Variants in PKD1L3 observed in about 807,000 individuals in gnomAD.
PKD1L3 encodes polycystin-1-like protein 3.
A neutral mutation model predicts 184.1 loss-of-function variants in PKD1L3; 239 were observed. The ratio of observed to expected loss-of-function variants is 1.30; its 90% CI spans 1.17 to 1.45. The LOEUF is 1.45. Ranked by LOEUF, PKD1L3 falls within the 40% of genes most tolerant of loss-of-function variation. The probability of loss-of-function intolerance (pLI) is 0.00; values close to 1 mark genes in which losing one functional copy is unlikely to be tolerated. For missense variants in PKD1L3, 2,660 were observed against 2,067.2 expected, an observed-to-expected ratio of 1.29 and a Z score of -5.56; for synonymous variants, 996 against 778.8, an observed-to-expected ratio of 1.28 and a Z score of -4.64.
At chr16:71,946,343 T>C (rs1469710601) in intron 22 of PKD1L3, among the ~76,000 whole-genome samples, 1 of 152,218 alleles carries the variant, frequency 6.6e-6, no homozygotes, top group Non-Finnish European at 1.5e-5. Flanking sequence ...AGGTAGTCCT[T>C]TCCTGAATTC....
chr16:71,934,563 T>A (rs2143132894), intron 26 of PKD1L3, among the ~76,000 whole-genome samples: 1 of 152,250 alleles, frequency 6.6e-6, no homozygotes, highest in African/African-American at 2.4e-5. Flanking sequence ...ATTGCTGTAA[T>A]AGGTGCAATC....
chr16:71,978,216 C>A, intron 10 of PKD1L3, 39 bp downstream of exon 10: 1 of 1,529,844 alleles, frequency 6.5e-7, no homozygotes, highest in South Asian at 1.2e-5. Flanking sequence ...CAGAATATCC[C>A]ATTCTCTTCT....
chr16:71,997,752 A>AAAATAAATAAAT (rs58522217), intron 2 of PKD1L3, among the ~76,000 whole-genome samples: 2,458 of 145,696 alleles, frequency 0.017, 27 homozygotes, highest in East Asian at 0.043. Context: ...CAGTCTTGGA[A>AAAATAAATAAAT]AAATAAATAA....
At chr16:71,953,795 G>A (rs145998525) in intron 17 of PKD1L3, among the ~76,000 whole-genome samples, 7 of 152,234 alleles carry the variant, frequency 4.6e-5, no homozygotes, top group East Asian at 1.9e-4. Flanking sequence ...TCCTCCCCCC[G>A]CCCCAACACA....
At chr16:71,954,658 A>T (rs1386889269) in intron 16 of PKD1L3, among the ~76,000 whole-genome samples, 1 of 152,216 alleles carries the variant, frequency 6.6e-6, no homozygotes, top group Non-Finnish European at 1.5e-5. Flanking sequence ...AGTTTGGTAA[A>T]TTCATACTCT....
chr16:71,983,663 CTTTTT>C (rs1180950058), intron 6 of PKD1L3, among the ~76,000 whole-genome samples: 1 of 100,306 alleles, frequency 1.0e-5, no homozygotes, highest in African/African-American at 3.9e-5. Context: ...GATTCTCTTT[CTTTTT>C]TTTTTTTTTT....
At chr16:71,965,189 T>A (rs576011952) in intron 15 of PKD1L3, among the ~76,000 whole-genome samples, 2 of 152,232 alleles carry the variant, frequency 1.3e-5, no homozygotes, top group Non-Finnish European at 2.9e-5. Flanking sequence ...AAGCATAATT[T>A]AAAAAAATTC....
chr16:71,949,161 G>T (rs905954727), intron 21 of PKD1L3, among the ~76,000 whole-genome samples: 2 of 151,978 alleles, frequency 1.3e-5, no homozygotes, highest in South Asian at 2.1e-4. Flanking sequence ...ACTTTTGTGT[G>T]GGTTTGACAT....
Position 71,949,883 on chromosome 16 carries a change from G to T in PKD1L3, c.3518C>A (p.Ala1173Glu), listed in dbSNP as rs538271819. The T allele has an allele frequency of 6.4e-7, 1 of 1,551,626 alleles. No individual in the cohort carries two copies. The highest frequency in any genetic ancestry group is 8.7e-7 in the Non-Finnish European group (1 of 1,146,986). The part of the protein sequence containing the change: ...FTSLASAFFT[A>E]LYSLELSKDQ... ...TTTGCTCAATTCCAAGCTATAAAGT[G>T]CTGTAAAAAAGGCTGAAGCCAGGCT... The change falls in exon 21 of 30, where the codon GCA becomes GAA. Residue 1173 changes from alanine (A) to glutamate (E), a missense_variant. Transcript: ENST00000620267.
chr16:71,979,404 A>G (rs2040061047), intron 9 of PKD1L3, among the ~76,000 whole-genome samples: 1 of 152,226 alleles, frequency 6.6e-6, no homozygotes. Context: ...AGATCACGCC[A>G]CTGCACTCCA....
Position 71,947,511 on chromosome 16 carries a change from C to T in PKD1L3, c.3699G>A (p.Lys1233=), listed in dbSNP as rs944089410. Residue 1233 remains lysine (K), a synonymous_variant, in exon 22 of 30, where the codon AAG becomes AAA. Transcript: ENST00000620267. Reference sequence around the variant, plus strand: ...AGTTACCCAAGAGTGCCAAGATCCTCTTTGTTTGTTGTTCATTCTCTTTGT... The same window carrying T: ...AGTTACCCAAGAGTGCCAAGATCCTTTTTGTTTGTTGTTCATTCTCTTTGT... ...RLNKENEQQT[K]RILALLAKCS... The T allele has an allele frequency of 6.5e-7, 1 of 1,541,530 alleles. No homozygotes were observed. Among genetic ancestry groups the T allele is most frequent in the Non-Finnish European group, 8.8e-7 (1 of 1,138,478 alleles).
intron 7 of PKD1L3, among the ~76,000 whole-genome samples, 190 bp downstream of exon 7, chr16:71,981,869 C>G (rs761528632): frequency 1.8e-4 from 27 of 152,068 alleles, no homozygotes; most frequent in Admixed American, 5.2e-4. Flanking sequence ...GATTACAGCA[C>G]TAGGGAGTCT....
intron 25 of PKD1L3, among the ~76,000 whole-genome samples, chr16:71,935,756 G>T (rs1190784923): frequency 6.6e-6 from 1 of 152,134 alleles, no homozygotes; most frequent in Admixed American, 6.5e-5. Flanking sequence ...TCTTTTTCTT[G>T]GAGATCATAA....
intron 9 of PKD1L3, among the ~76,000 whole-genome samples, chr16:71,979,102 G>T (rs963256869): frequency 6.6e-6 from 1 of 152,172 alleles, no homozygotes; most frequent in African/African-American, 2.4e-5. Context: ...GATATGACTG[G>T]GTTGGTATAC....
Position 71,999,666 on chromosome 16 carries a change from T to C in PKD1L3, c.295+18A>G. 6.7e-7 allele frequency: 1 copy of C among 1,482,090 alleles called. No individual in the cohort carries two copies. The highest frequency in any genetic ancestry group is 2.5e-5 in the Admixed American group (1 of 40,324). 91.8% of individuals were successfully genotyped at this position (1,482,090 alleles called of 1,614,324 possible). ...ATAAGGAAGTTTCCTTCATAAACAC[T>C]GAACCCCAGGGTCTTACCTGGGTAT... On this transcript the variant is annotated intron_variant, in intron 1 of 29. Coordinates refer to ENST00000620267, the MANE Select transcript of PKD1L3 (RefSeq NM_181536.2).
At chr16:71,962,737 C>T (rs2039331091) in intron 16 of PKD1L3, among the ~76,000 whole-genome samples, 1 of 152,178 alleles carries the variant, frequency 6.6e-6, no homozygotes. Context: ...GCCTCAGCCT[C>T]CCAAAGTGCA....
chr16:71,935,712 T>G (rs1042885377), intron 25 of PKD1L3, among the ~76,000 whole-genome samples, 194 bp from the exon 26 acceptor site: 3 of 152,232 alleles, frequency 2.0e-5, no homozygotes, highest in African/African-American at 7.2e-5. Context: ...TACAAAAAAG[T>G]TATCTTCAAA....
rs1278151829 is a variant in PKD1L3, at chr16:71,954,162, C to G, written c.2752G>C (p.Val918Leu). The G allele has an allele frequency of 6.4e-7, 1 of 1,550,890 alleles. No homozygotes were observed. Among genetic ancestry groups the G allele is most frequent in the South Asian group, 1.2e-5 (1 of 83,816 alleles). Residue 918 changes from valine (V) to leucine (L), a missense_variant, in exon 17 of 30, where the codon GTC (valine) becomes CTC (leucine). By Grantham distance (32) the Val-to-Leu change is conservative. Coordinates refer to ENST00000620267, the MANE Select transcript of PKD1L3 (RefSeq NM_181536.2). ...CCMTLLLCNM[V>L]INVMFWKINS... ...ATCTTCCAGAACATAACATTGATGA[C>G]CATGTTGCAGAGTAGCAGTGTCATG...
Position 71,954,145 on chromosome 16 carries a change from GAACAT to G in PKD1L3, c.2764_2768del (p.Met922LeufsTer12), listed in dbSNP as rs1476319837. On this transcript the variant is annotated frameshift_variant, in exon 17 of 30. Transcript: ENST00000620267. LOFTEE classifies it high-confidence loss of function. Reference sequence around the variant, plus strand: ...TGGCAGTGGTGCTGTTTATCTTCCAGAACATAACATTGATGACCATGTTGCAGAGT... The same window carrying G: ...TGGCAGTGGTGCTGTTTATCTTCCAGAACATTGATGACCATGTTGCAGAGT... 1.3e-6 allele frequency: 2 copies of G among 1,549,992 alleles called. No homozygotes were observed. Among genetic ancestry groups the G allele is most frequent in the Non-Finnish European group, 1.7e-6 (2 of 1,146,224 alleles).
Sources: gnomAD v4.1 joint callset for allele counts (sites outside exome capture counted in the v4.1 genomes callset) on GRCh38, gnomAD v4.1.1 for gene constraint, MANE v1.5 for transcripts, NCBI Gene and HGNC (gene_info 2026-07-23, HGNC 2026-07-21) for gene names.